The following SEC14L6 variants were observed in gnomAD, a reference collection of about 807,000 sequenced individuals.
SEC14L6 encodes SEC14 like lipid binding 6, also known as SEC14-like protein 6.
In SEC14L6, 40 loss-of-function variants were observed where a neutral mutation model predicts 54.1. The ratio of observed to expected loss-of-function variants is 0.74; its 90% CI spans 0.57 to 0.96. The LOEUF is 0.96. SEC14L6 is among the 40% of genes least tolerant of loss of function. The pLI is 0.00. For missense variants in SEC14L6, 471 were observed against 498.3 expected (o/e 0.95, Z 0.52); for synonymous variants, 171 against 198.4 (o/e 0.86, Z 1.16).
chr22:30,545,131 G>A (rs761968130), intron 1 of SEC14L6, among the ~76,000 whole-genome samples: 8 of 152,038 alleles, frequency 5.3e-5, no homozygotes, highest in Non-Finnish European at 8.8e-5. Context: ...CAAGCTTGCC[G>A]TGTGCGACCA....
chr22:30,526,622 T>C (rs1936789664), intron 8 of SEC14L6, among the ~76,000 whole-genome samples: 1 of 152,044 alleles, frequency 6.6e-6, no homozygotes, highest in South Asian at 2.1e-4. Flanking sequence ...CCCAGCTACT[T>C]GGAAGGCTGA....
chr22:30,525,018 C>T lies in SEC14L6; in HGVS notation c.1173G>A (p.Met391Ile), dbSNP rs1486899643. The change falls in exon 12 of 12, where the codon ATG (methionine) becomes ATA (isoleucine). Residue 391 changes from methionine (M) to isoleucine (I), a missense_variant. Physicochemically the swap from Met to Ile is conservative, Grantham distance 10. Transcript: ENST00000402034. ...VEVLLPDQTF[M>I]EKMEKF Reference sequence around the variant, plus strand: ...TCACCTAGAATTTCTCCATCTTCTCCATGAAGGTTTGGTCTGGGAGCAGTA... The same window carrying T: ...TCACCTAGAATTTCTCCATCTTCTCTATGAAGGTTTGGTCTGGGAGCAGTA... The T allele has an allele frequency of 1.3e-6, 2 of 1,539,346 alleles. No homozygotes were observed. The highest frequency in any genetic ancestry group is 2.7e-5 in the African/African-American group (2 of 72,776).
At chr22:30,541,160 A>T (rs1374403747) in intron 1 of SEC14L6, among the ~76,000 whole-genome samples, 2 of 152,130 alleles carry the variant, frequency 1.3e-5, no homozygotes, top group African/African-American at 4.8e-5. Context: ...TTTTCTTTTT[A>T]AAAGATTCAT....
chr22:30,526,693 T>C (rs147138745), intron 8 of SEC14L6, among the ~76,000 whole-genome samples: 1 of 151,742 alleles, frequency 6.6e-6, no homozygotes, highest in Non-Finnish European at 1.5e-5. Flanking sequence ...CCACACCCTG[T>C]ACTCCAGCCT....
chr22:30,534,494 C>T (rs1313024388), intron 2 of SEC14L6, among the ~76,000 whole-genome samples: 2 of 151,830 alleles, frequency 1.3e-5, no homozygotes, highest in East Asian at 3.9e-4. Flanking sequence ...TCACTGCAAC[C>T]TCTGCCTCCC....
chr22:30,541,204 T>G (rs922634071), intron 1 of SEC14L6, among the ~76,000 whole-genome samples: 2 of 10,026 alleles, frequency 2.0e-4, no homozygotes, highest in African/African-American at 1.3e-3. Flanking sequence ...AAAAAAATTT[T>G]TATTTATTTT....
intron 1 of SEC14L6, among the ~76,000 whole-genome samples, chr22:30,545,082 C>A (rs2085785580): frequency 6.6e-6 from 1 of 152,104 alleles, no homozygotes. Flanking sequence ...CCCGTCGTTG[C>A]CTCCATGCTC....
intron 1 of SEC14L6, chr22:30,543,430 T>C (rs911903171): frequency 1.2e-6 from 2 of 1,609,564 alleles, no homozygotes; most frequent in African/African-American, 1.3e-5. Flanking sequence ...GTTGACCTGG[T>C]TGGAGAACGG....
intron 1 of SEC14L6, among the ~76,000 whole-genome samples, chr22:30,541,049 T>C (rs538410701): frequency 1.2e-4 from 18 of 152,036 alleles, no homozygotes; most frequent in Admixed American, 8.5e-4. Context: ...TACTTGAACT[T>C]TTTTTTAATT....
chr22:30,544,501 AC>A (rs1471441307), intron 1 of SEC14L6, among the ~76,000 whole-genome samples: 1 of 151,982 alleles, frequency 6.6e-6, no homozygotes, highest in Non-Finnish European at 1.5e-5. Context: ...CCACCCCTCA[AC>A]TGGGGCTTGA....
intron 8 of SEC14L6, among the ~76,000 whole-genome samples, chr22:30,527,605 C>T (rs544535987): frequency 2.7e-5 from 4 of 149,104 alleles, no homozygotes; most frequent in Non-Finnish European, 5.9e-5. Context: ...GTCACAGCTA[C>T]TTGGGAGGCT....
At chr22:30,534,541 A>G (rs967705876) in intron 2 of SEC14L6, among the ~76,000 whole-genome samples, 2 of 151,512 alleles carry the variant, frequency 1.3e-5, no homozygotes, top group African/African-American at 4.9e-5. Flanking sequence ...TCTCCTGAGT[A>G]GCTGAGATTA....
At chr22:30,532,901 A>G in intron 3 of SEC14L6, 45 bp from the exon 4 acceptor site, 1 of 1,600,586 alleles carries the variant, frequency 6.2e-7, no homozygotes, top group Non-Finnish European at 8.5e-7. Context: ...GCCTGTCCCA[A>G]AGACCTCTGT....
At position 30,527,365 on chromosome 22, in the gene SEC14L6, G is replaced by A. The variant is rs144289442; in HGVS notation, c.665-1433C>T. Among the ~76,000 whole-genome samples the A allele has an allele frequency of 7.2e-3, 1,099 of 151,882 alleles. 8 individuals are homozygous for A. The highest frequency in any genetic ancestry group is 0.013 in the Non-Finnish European group (865 of 67,976). ...TTATAAAGAAAATGTCCAACCTCACGAGTAATAAAAGAACCAAATAACCCA... is the reference window on the plus strand; with the variant it reads ...TTATAAAGAAAATGTCCAACCTCACAAGTAATAAAAGAACCAAATAACCCA... On this transcript the variant is annotated intron_variant, in intron 8 of 11. Transcript: ENST00000402034.
At chr22:30,525,213 C>T in intron 11 of SEC14L6, 104 bp from the exon 12 acceptor site, 1 of 1,317,140 alleles carries the variant, frequency 7.6e-7, no homozygotes, top group Non-Finnish European at 1.1e-6. Context: ...ACCATTGCCA[C>T]AATTGAGAGC....
intron 1 of SEC14L6, among the ~76,000 whole-genome samples, chr22:30,541,038 T>G (rs1335042104): frequency 6.6e-6 from 1 of 150,548 alleles, no homozygotes; most frequent in Non-Finnish European, 1.5e-5. Flanking sequence ...AAAAATTCAA[T>G]TACTTGAACT....
At chr22:30,544,602 T>C (rs565010300) in intron 1 of SEC14L6, among the ~76,000 whole-genome samples, 5 of 152,118 alleles carry the variant, frequency 3.3e-5, no homozygotes, top group Admixed American at 3.3e-4. Flanking sequence ...CCTGGTGAGG[T>C]TGCTGCCAAC....
At chr22:30,526,053 C>T in intron 8 of SEC14L6, 121 bp from the exon 9 acceptor site, 1 of 1,167,606 alleles carries the variant, frequency 8.6e-7, no homozygotes, top group East Asian at 2.6e-5. Context: ...GCTTTTGCCA[C>T]TCCATTGCCT....
intron 8 of SEC14L6, among the ~76,000 whole-genome samples, chr22:30,526,891 T>A (rs1019437083): frequency 2.0e-5 from 3 of 151,130 alleles, no homozygotes; most frequent in Non-Finnish European, 2.9e-5. Flanking sequence ...AGGCTAAGAG[T>A]TTGAGACTAG....
Sources: gnomAD v4.1 joint callset for allele counts (sites outside exome capture counted in the v4.1 genomes callset) on GRCh38, gnomAD v4.1.1 for gene constraint, MANE v1.5 for transcripts, NCBI Gene and HGNC (gene_info 2026-07-23, HGNC 2026-07-21) for gene names.